Variants in SPAG1 observed in about 807,000 individuals in gnomAD.
SPAG1 encodes sperm associated antigen 1.
Under a neutral mutation model 100.5 loss-of-function variants are expected in SPAG1, and 69 were observed. The observed-to-expected ratio is 0.69, with a 90% CI of 0.57 to 0.84. SPAG1 has a LOEUF of 0.84. Ranked by LOEUF, SPAG1 falls within the 40% of genes least tolerant of loss-of-function variation. The pLI is 0.00. For synonymous variants in SPAG1, 336 were observed against 411.6 expected (o/e 0.82, Z 2.22); for missense variants, 955 against 1,133.1 (o/e 0.84, Z 2.26).
intron 13 of SPAG1, among the ~76,000 whole-genome samples, chr8:100,222,062 G>T (rs908176041): frequency 1.3e-5 from 2 of 152,164 alleles, no homozygotes; most frequent in African/African-American, 4.8e-5. Context: ...TTGACCAGGC[G>T]GTCTCACCTG....
chr8:100,187,606 C>T lies in SPAG1; in HGVS notation c.832+356C>T, dbSNP rs566068518. Among the ~76,000 whole-genome samples the T allele has an allele frequency of 1.3e-4, 19 of 151,820 alleles. 2 individuals carry two copies. The South Asian group carries it at 3.1e-3, about 25-fold the overall frequency. On this transcript the variant is annotated intron_variant, in intron 8 of 18. Transcript: ENST00000388798. Reference sequence around the variant, plus strand: ...AAAATTTTGGGAGGCCGAGGTGAGACGATTGCTTGAGTCTAGGAGTTTGAG... The same window carrying T: ...AAAATTTTGGGAGGCCGAGGTGAGATGATTGCTTGAGTCTAGGAGTTTGAG...
intron 9 of SPAG1, among the ~76,000 whole-genome samples, chr8:100,192,812 C>T (rs1403158088): frequency 2.0e-5 from 3 of 152,128 alleles, no homozygotes; most frequent in African/African-American, 4.8e-5. Flanking sequence ...GCAGCCTCCA[C>T]CTCCTAGGCT....
chr8:100,187,080 C>A, intron 7 of SPAG1, 40 bp from the exon 8 acceptor site: 1 of 1,583,316 alleles, frequency 6.3e-7, no homozygotes, highest in Non-Finnish European at 8.6e-7. Flanking sequence ...CTTATGTTTA[C>A]CTTAGGCTTG....
intron 12 of SPAG1, among the ~76,000 whole-genome samples, chr8:100,219,876 A>G (rs1386510440): frequency 2.0e-5 from 3 of 152,242 alleles, no homozygotes; most frequent in African/African-American, 7.2e-5. Flanking sequence ...TCAAAATGTG[A>G]TGCAACTTTT....
At chr8:100,184,542 C>A in intron 6 of SPAG1, 86 bp from the exon 7 acceptor site, 2 of 611,510 alleles carry the variant, frequency 3.3e-6, no homozygotes. Flanking sequence ...TCTTCTGCTT[C>A]TGTTAAAATA....
At chr8:100,175,281 GTTC>G (rs1816059382) in intron 3 of SPAG1, among the ~76,000 whole-genome samples, 1 of 140,272 alleles carries the variant, frequency 7.1e-6, no homozygotes. Context: ...GTGCAGTGAA[GTTC>G]TTTTTTTTTT....
intron 4 of SPAG1, among the ~76,000 whole-genome samples, chr8:100,179,836 A>G (rs552669416): frequency 6.6e-6 from 1 of 152,304 alleles, no homozygotes; most frequent in East Asian, 1.9e-4. Context: ...ATAGTCAAAT[A>G]TGATGGTTAT....
chr8:100,171,570 C>T (rs541568606), intron 3 of SPAG1, among the ~76,000 whole-genome samples: 10 of 152,204 alleles, frequency 6.6e-5, no homozygotes, highest in African/African-American at 2.4e-4. Flanking sequence ...GTACGGCTTC[C>T]TCCTTTCTGA....
At chr8:100,195,839 T>C (rs1429007191) in intron 10 of SPAG1, among the ~76,000 whole-genome samples, 1 of 152,174 alleles carries the variant, frequency 6.6e-6, no homozygotes, top group African/African-American at 2.4e-5. Flanking sequence ...ACCATCACCA[T>C]AGTCAGGATA....
rs1377373051 is a variant in SPAG1 at position 100,162,437 on chromosome 8, C to A, written c.140+17C>A. 2 of 1,546,402 alleles carry A rather than the reference C, an allele frequency of 1.3e-6. No homozygotes were observed. Among genetic ancestry groups the A allele is most frequent in the South Asian group, 2.4e-5 (2 of 81,992 alleles). On this transcript the variant is annotated intron_variant, in intron 2 of 18. Transcript: ENST00000388798. The stretch of plus-strand genomic sequence containing the variant: ...CGTGCTCAGGTAAGCATTTTAAAAT[C>A]ATTACATGTTTTAGTATGACAGTTT...
chr8:100,188,554 A>C (rs1248954676), intron 8 of SPAG1, among the ~76,000 whole-genome samples: 1 of 151,990 alleles, frequency 6.6e-6, no homozygotes, highest in Non-Finnish European at 1.5e-5. Context: ...AAAAACCTGC[A>C]CTCTATTTTG....
chr8:100,176,807 C>CCCTCTCCCCTCCTCT (rs1816139500), intron 3 of SPAG1, among the ~76,000 whole-genome samples: 1 of 116,296 alleles, frequency 8.6e-6, no homozygotes, highest in Non-Finnish European at 1.7e-5. Flanking sequence ...TCATAAATTT[C>CCCTCTCCCCTCCTCT]CCTCTCCTCT....
At chr8:100,212,880 C>T (rs1817773049) in intron 10 of SPAG1, among the ~76,000 whole-genome samples, 1 of 105,462 alleles carries the variant, frequency 9.5e-6, no homozygotes, top group Non-Finnish European at 1.9e-5. Flanking sequence ...GAGCCGAGTC[C>T]TCAGGAAGCC....
chr8:100,206,072 G>A (rs1162011440), intron 10 of SPAG1, among the ~76,000 whole-genome samples: 1 of 146,856 alleles, frequency 6.8e-6, no homozygotes, highest in Non-Finnish European at 1.5e-5. Flanking sequence ...TGCAGGGGTG[G>A]TGAGTCCCAT....
At chr8:100,199,905 C>T (rs533680622) in intron 10 of SPAG1, among the ~76,000 whole-genome samples, 1 of 151,454 alleles carries the variant, frequency 6.6e-6, no homozygotes, top group South Asian at 2.1e-4. Context: ...TCCTTTGATG[C>T]AGAAGTTTTT....
intron 6 of SPAG1, 65 bp from the exon 7 acceptor site, chr8:100,184,563 G>A: frequency 1.3e-6 from 1 of 796,090 alleles, no homozygotes; most frequent in Non-Finnish European, 1.9e-6. Flanking sequence ...AGCATTCTTA[G>A]ATTTAAACTT....
chr8:100,193,864 ATAG>A (rs1226196381), intron 9 of SPAG1, among the ~76,000 whole-genome samples: 7 of 152,210 alleles, frequency 4.6e-5, no homozygotes, highest in South Asian at 2.1e-4. Context: ...CAAAATGTTA[ATAG>A]TAGTATCTGA....
At chr8:100,234,359 T>TAA (rs34951243) in intron 16 of SPAG1, among the ~76,000 whole-genome samples, 2,292 of 151,308 alleles carry the variant, frequency 0.015, 22 homozygotes, top group South Asian at 0.049. Flanking sequence ...TGGTGTGTGC[T>TAA]AAAAAAAAAT....
In SPAG1 at chr8:100,239,419, T is replaced by C; in HGVS notation, c.2280+15T>C. 1 of 1,536,336 alleles carries C rather than the reference T, an allele frequency of 6.5e-7. No homozygotes were observed. The highest frequency in any genetic ancestry group is 9.0e-7 in the Non-Finnish European group (1 of 1,110,124). ...AGATTCAAGAGGTATTTGTATTTGA[T>C]TATCTTTGAAAGTACTCCTTTGGGG... On this transcript the variant is annotated intron_variant, in intron 17 of 18. Transcript: ENST00000388798. This position sits in a 1 kb window ranked among gnomAD's most constrained non-coding sequence, Gnocchi z 5.0.
Sources: allele counts gnomAD v4.1 joint callset (sites outside exome capture counted in the v4.1 genomes callset), GRCh38; gene constraint gnomAD v4.1.1; non-coding constraint Gnocchi (gnomAD v3.1); transcripts MANE v1.5; gene names NCBI Gene and HGNC (gene_info 2026-07-23, HGNC 2026-07-21).